The following SCML2 variants were observed in gnomAD, a reference collection of about 807,000 sequenced individuals.
SCML2 encodes the protein Scm polycomb group protein like 2.
In SCML2, 6 loss-of-function variants were observed where a neutral mutation model predicts 48.4. The ratio of observed to expected loss-of-function variants is 0.12; its 90% CI spans 0.07 to 0.24. SCML2 has a LOEUF of 0.24. Ranked by LOEUF, SCML2 falls within the 10% of genes least tolerant of loss-of-function variation. The pLI, the probability that SCML2 is intolerant of heterozygous loss-of-function variation, is 1.00. For missense variants in SCML2, 377 were observed against 528.2 expected, an observed-to-expected ratio of 0.71 and a Z score of 2.81; for synonymous variants, 181 against 189.5, an observed-to-expected ratio of 0.95 and a Z score of 0.37.
rs747117540 is a variant in SCML2 at position 18,334,184 on chromosome X, ATC to A, written c.-24-91_-24-90del. The A allele has an allele frequency of 6.6e-4, 401 of 603,511 alleles. 1 individual carries two copies. In the Middle Eastern group the frequency reaches 8.4e-3, roughly 13 times the overall value. The allele number at this position is 603,511 out of a possible 1,213,427, so 49.7% of individuals were successfully genotyped here. A position where few individuals can be genotyped will look rare whatever the true frequency, so the allele number is the denominator to read the frequency against. On this transcript the variant is annotated intron_variant, in intron 1 of 14. Transcript: ENST00000251900. ...TCAGTTATAAGGCCAGATCAATTTA[ATC>A]TGTTTCCCTTAAACAAAAATGATAA... is the stretch of plus-strand genomic sequence containing the variant.
chrX:18,295,881 T>C (rs773129500), intron 7 of SCML2, among the ~76,000 whole-genome samples: 5 of 111,985 alleles, frequency 4.5e-5, no homozygotes, highest in Admixed American at 1.9e-4. Context: ...AAATAACTCA[T>C]AGAGAAACTT....
chrX:18,327,940 A>G (rs1376389282), intron 3 of SCML2, among the ~76,000 whole-genome samples: 1 of 111,817 alleles, frequency 8.9e-6, no homozygotes, highest in Admixed American at 9.5e-5. Context: ...AGAAAGTCTT[A>G]GTTAAGCCTG....
intron 7 of SCML2, among the ~76,000 whole-genome samples, chrX:18,291,361 A>G (rs919494557): frequency 8.9e-6 from 1 of 112,091 alleles, no homozygotes; most frequent in Non-Finnish European, 1.9e-5. Context: ...CTATCCAAGT[A>G]AGTTTCTCAG....
intron 11 of SCML2, among the ~76,000 whole-genome samples, chrX:18,251,021 G>A (rs749334234): frequency 1.8e-5 from 2 of 110,118 alleles, no homozygotes; most frequent in African/African-American, 3.3e-5. Context: ...ACAGCATGAG[G>A]GTAACTGCCC....
chrX:18,288,155 A>G (rs1180287740), intron 7 of SCML2, among the ~76,000 whole-genome samples: 2 of 111,313 alleles, frequency 1.8e-5, no homozygotes, highest in Non-Finnish European at 3.8e-5. Flanking sequence ...TTCCTAAATT[A>G]TTTCTACAGA....
At chrX:18,342,362 AAAG>A (rs1930042582) in intron 1 of SCML2, among the ~76,000 whole-genome samples, 1 of 111,579 alleles carries the variant, frequency 9.0e-6, no homozygotes, top group African/African-American at 3.2e-5. Context: ...AAAAAAAAAA[AAAG>A]GTTAGGTTAA....
At chrX:18,318,759 C>T (rs762382096) in intron 6 of SCML2, among the ~76,000 whole-genome samples, 57 of 111,884 alleles carry the variant, frequency 5.1e-4, no homozygotes, top group African/African-American at 1.9e-3. Context: ...CAGTAGAGCA[C>T]TCTTTTTATA....
At chrX:18,246,436 C>G in intron 13 of SCML2, 141 bp downstream of exon 13, 1 of 556,280 alleles carries the variant, frequency 1.8e-6, no homozygotes, top group Non-Finnish European at 2.9e-6. Context: ...ATGGTCTGAC[C>G]TGACAGTGAT....
intron 6 of SCML2, among the ~76,000 whole-genome samples, chrX:18,312,978 CGTGTGTGTGT>C (rs72406000): frequency 1.2e-4 from 11 of 94,996 alleles, no homozygotes; most frequent in South Asian, 5.4e-4. Context: ...AATGGGTGTG[CGTGTGTGTGT>C]GTGTGTGTGT....
chrX:18,341,439 G>A (rs188007947), intron 1 of SCML2: 316 of 190,703 alleles, frequency 1.7e-3, no homozygotes, highest in Non-Finnish European at 5.7e-4. Context: ...GCCACAAACT[G>A]TGACGTGAAC....
intron 6 of SCML2, among the ~76,000 whole-genome samples, chrX:18,312,792 G>A (rs1928993465): frequency 9.0e-6 from 1 of 111,471 alleles, no homozygotes; most frequent in Non-Finnish European, 1.9e-5. Context: ...GAGATGTAGA[G>A]TAGGTAGCTG....
At chrX:18,341,001 T>A (rs1378795540) in intron 1 of SCML2, among the ~76,000 whole-genome samples, 1 of 110,941 alleles carries the variant, frequency 9.0e-6, no homozygotes, top group Non-Finnish European at 1.9e-5. Flanking sequence ...TATACTTTGT[T>A]GTTTTTAAAA....
chrX:18,292,022 G>C (rs934748192), intron 7 of SCML2, among the ~76,000 whole-genome samples: 1 of 111,418 alleles, frequency 9.0e-6, no homozygotes, highest in Non-Finnish European at 1.9e-5. Context: ...AACACGCTAA[G>C]AGAAAAATGG....
At chrX:18,265,414 C>T (rs1927221808) in intron 8 of SCML2, among the ~76,000 whole-genome samples, 171 bp downstream of exon 8, 1 of 112,359 alleles carries the variant, frequency 8.9e-6, no homozygotes, top group Non-Finnish European at 1.9e-5. Context: ...TTTGCCCAAG[C>T]AAAGAAATAA....
intron 6 of SCML2, among the ~76,000 whole-genome samples, chrX:18,316,967 G>A (rs773693767): frequency 8.9e-6 from 1 of 112,396 alleles, no homozygotes; most frequent in African/African-American, 3.2e-5. Flanking sequence ...TGTCTTCCAC[G>A]AAACTGACCC....
intron 6 of SCML2, among the ~76,000 whole-genome samples, chrX:18,314,970 T>C (rs1390743789): frequency 9.2e-6 from 1 of 109,131 alleles, no homozygotes; most frequent in African/African-American, 3.3e-5. Flanking sequence ...CAGGTGCCTG[T>C]AGTCCCAGCT....
intron 3 of SCML2, among the ~76,000 whole-genome samples, chrX:18,328,738 A>G (rs1012230025): frequency 2.7e-5 from 3 of 111,923 alleles, no homozygotes; most frequent in African/African-American, 9.7e-5. Context: ...TTCCCATAGC[A>G]GGTCATCAGC....
intron 1 of SCML2, among the ~76,000 whole-genome samples, chrX:18,336,371 G>A (rs758047165): frequency 2.2e-4 from 23 of 106,402 alleles, no homozygotes; most frequent in Non-Finnish European, 3.9e-4. Flanking sequence ...CCCAGGAGGC[G>A]GAGGTTGCAA....
At chrX:18,273,316 G>A (rs943472113) in intron 7 of SCML2, among the ~76,000 whole-genome samples, 1 of 110,926 alleles carries the variant, frequency 9.0e-6, no homozygotes, top group Non-Finnish European at 1.9e-5. Flanking sequence ...GCATACTTGT[G>A]CACATGCCTG....
Sources: allele counts gnomAD v4.1 joint callset (sites outside exome capture counted in the v4.1 genomes callset), GRCh38; gene constraint gnomAD v4.1.1; transcripts MANE v1.5; gene names NCBI Gene and HGNC (gene_info 2026-07-23, HGNC 2026-07-21).